The following PDGFC variants were observed in gnomAD, a reference collection of about 807,000 sequenced individuals.
PDGFC encodes the protein platelet derived growth factor C.
Under a neutral mutation model 35.5 loss-of-function variants are expected in PDGFC, and 12 were observed. The ratio of observed to expected loss-of-function variants is 0.34; its 90% CI spans 0.22 to 0.55. PDGFC has a LOEUF of 0.55. Among genes scored for constraint, PDGFC ranks in the 20% least tolerant of loss-of-function variants. The pLI, the probability that PDGFC is intolerant of heterozygous loss-of-function variation, is 0.91. For synonymous variants in PDGFC, 159 were observed against 148.8 expected (o/e 1.07, Z -0.50); for missense variants, 322 against 412.4 (o/e 0.78, Z 1.90).
intron 2 of PDGFC, among the ~76,000 whole-genome samples, chr4:156,812,186 G>T (rs1368603237): frequency 6.6e-6 from 1 of 151,798 alleles, no homozygotes; most frequent in South Asian, 2.1e-4. Flanking sequence ...AGGAATACTA[G>T]ATATACCATT....
intron 1 of PDGFC, among the ~76,000 whole-genome samples, chr4:156,932,544 T>C (rs1481959849): frequency 6.6e-6 from 1 of 151,888 alleles, no homozygotes; most frequent in Non-Finnish European, 1.5e-5. Flanking sequence ...GGCACATATA[T>C]ACCATGGAAT....
intron 1 of PDGFC, chr4:156,861,338 T>C (rs1031880973): frequency 2.0e-5 from 8 of 407,648 alleles, no homozygotes; most frequent in Middle Eastern, 7.7e-4. Context: ...ATATGGTTCA[T>C]TGTATCAAGC....
At chr4:156,784,795 T>C (rs1731077848) in intron 3 of PDGFC, among the ~76,000 whole-genome samples, 1 of 152,172 alleles carries the variant, frequency 6.6e-6, no homozygotes, top group African/African-American at 2.4e-5. Flanking sequence ...TGTCAAAGTA[T>C]TTCTGTAAGA....
intron 1 of PDGFC, among the ~76,000 whole-genome samples, chr4:156,902,300 A>T (rs1262003789): frequency 6.6e-6 from 1 of 152,232 alleles, no homozygotes; most frequent in African/African-American, 2.4e-5. Context: ...TACTACCCAG[A>T]TTTAATGAGT....
intron 1 of PDGFC, among the ~76,000 whole-genome samples, chr4:156,930,173 A>T (rs1731517719): frequency 6.6e-6 from 1 of 152,220 alleles, no homozygotes. Context: ...AGAAATCTGC[A>T]TTTAAGAGAT....
chr4:156,838,831 TG>T (rs1048155199), intron 2 of PDGFC, among the ~76,000 whole-genome samples: 9 of 152,116 alleles, frequency 5.9e-5, no homozygotes, highest in Admixed American at 1.3e-4. Context: ...ATTGAATCAC[TG>T]GGGCTGTTGG....
intron 1 of PDGFC, among the ~76,000 whole-genome samples, chr4:156,872,068 G>T (rs992706254): frequency 3.3e-5 from 5 of 152,028 alleles, no homozygotes; most frequent in Non-Finnish European, 5.9e-5. Flanking sequence ...CTTAATAAAA[G>T]ACTATACACA....
intron 1 of PDGFC, among the ~76,000 whole-genome samples, chr4:156,949,554 C>A (rs1732030919): frequency 6.6e-6 from 1 of 151,842 alleles, no homozygotes; most frequent in Non-Finnish European, 1.5e-5. Flanking sequence ...AGAGGTTACA[C>A]AGCAGCTAAG....
At chr4:156,801,452 C>T (rs1444107581) in intron 3 of PDGFC, among the ~76,000 whole-genome samples, 1 of 152,146 alleles carries the variant, frequency 6.6e-6, no homozygotes, top group Non-Finnish European at 1.5e-5. Flanking sequence ...GGTGACAGTA[C>T]CAACCTCTAC....
Position 156,816,257 on chromosome 4 carries a change from T to G in PDGFC, c.315-5240A>C, listed in dbSNP as rs146386503. 9.9e-5 allele frequency among the ~76,000 whole-genome samples: 15 copies of G among 152,254 alleles called. No homozygotes were observed. The East Asian group carries it at 2.7e-3, about 27-fold the overall frequency. Reference sequence around the variant, plus strand: ...GAAAGAAACCCTGCCAACAAATGAATGTGGATTTTAAAAAGGCCTAGCCCT... The same window carrying G: ...GAAAGAAACCCTGCCAACAAATGAAGGTGGATTTTAAAAAGGCCTAGCCCT... On this transcript the variant is annotated intron_variant, in intron 2 of 5. Coordinates refer to ENST00000502773, the MANE Select transcript of PDGFC (RefSeq NM_016205.3).
At chr4:156,814,759 A>C (rs1021056747) in intron 2 of PDGFC, among the ~76,000 whole-genome samples, 1 of 152,196 alleles carries the variant, frequency 6.6e-6, no homozygotes, top group African/African-American at 2.4e-5. Flanking sequence ...AAAGTATTTT[A>C]AAAAGGGCTT....
chr4:156,892,020 C>G (rs1449377331), intron 1 of PDGFC, among the ~76,000 whole-genome samples: 2 of 152,170 alleles, frequency 1.3e-5, no homozygotes, highest in Non-Finnish European at 1.5e-5. Context: ...ATCAAACCAG[C>G]ATTTACTGAG....
intron 1 of PDGFC, among the ~76,000 whole-genome samples, chr4:156,948,973 G>C (rs936349031): frequency 6.6e-6 from 1 of 151,882 alleles, no homozygotes; most frequent in Non-Finnish European, 1.5e-5. Flanking sequence ...CAAGGGACCA[G>C]TGTGAAATTC....
intron 3 of PDGFC, among the ~76,000 whole-genome samples, chr4:156,786,231 C>A (rs1731122806): frequency 6.6e-6 from 1 of 152,182 alleles, no homozygotes; most frequent in African/African-American, 2.4e-5. Flanking sequence ...AAGTAAATAT[C>A]TCTGCCTTTA....
At chr4:156,795,300 T>C (rs544942071) in intron 3 of PDGFC, among the ~76,000 whole-genome samples, 1 of 152,286 alleles carries the variant, frequency 6.6e-6, no homozygotes, top group African/African-American at 2.4e-5. Flanking sequence ...GAGAGATAAC[T>C]GTGAAATACA....
intron 1 of PDGFC, among the ~76,000 whole-genome samples, chr4:156,918,019 T>C: frequency 6.6e-6 from 1 of 152,194 alleles, no homozygotes; most frequent in South Asian, 2.1e-4. Context: ...TTTAGGTTAG[T>C]ACAAGAAGTA....
chr4:156,955,650 T>C (rs374226941), intron 1 of PDGFC, among the ~76,000 whole-genome samples: 2 of 151,932 alleles, frequency 1.3e-5, no homozygotes, highest in East Asian at 1.9e-4. Context: ...CTGTTATAGG[T>C]GTAAGAATAC....
rs372090532 is a variant in PDGFC, at chr4:156,967,378, A to G, written c.118+3408T>C. 12 of 152,364 alleles carry G rather than the reference A, an allele frequency of 7.9e-5. No homozygotes were observed. In the East Asian group the frequency reaches 1.9e-3, roughly 24 times the overall value. 9.4% of individuals were successfully genotyped at this position (152,364 alleles called of 1,614,324 possible). A position where few individuals can be genotyped will look rare whatever the true frequency, so the allele number is the denominator to read the frequency against. ...AAGATACCGGCAAAAGGGCACGACCAGCAGACCAAAGTAAATTGCCCCACA... is the reference window on the plus strand; with the variant it reads ...AAGATACCGGCAAAAGGGCACGACCGGCAGACCAAAGTAAATTGCCCCACA... On this transcript the variant is annotated intron_variant, in intron 1 of 5. Coordinates refer to ENST00000502773, the MANE Select transcript of PDGFC (RefSeq NM_016205.3).
intron 3 of PDGFC, among the ~76,000 whole-genome samples, chr4:156,809,783 G>A (rs1192228633): frequency 6.6e-6 from 1 of 151,584 alleles, no homozygotes; most frequent in East Asian, 1.9e-4. Flanking sequence ...ACAGTAGATT[G>A]CTATTTATAC....
Sources: gnomAD v4.1 joint callset for allele counts (sites outside exome capture counted in the v4.1 genomes callset) on GRCh38, gnomAD v4.1.1 for gene constraint, MANE v1.5 for transcripts, NCBI Gene and HGNC (gene_info 2026-07-23, HGNC 2026-07-21) for gene names.